The following AGAP1 variants were observed in gnomAD, a reference collection of about 807,000 sequenced individuals.
The protein encoded by AGAP1 is arf-GAP with GTPase, ANK repeat and PH domain-containing protein 1.
In AGAP1, 29 loss-of-function variants were observed where a neutral mutation model predicts 105.3. The observed-to-expected ratio is 0.28, with a 90% CI of 0.21 to 0.38. The LOEUF (loss-of-function observed/expected upper bound fraction) is 0.38. Ranked by LOEUF, AGAP1 falls within the 10% of genes least tolerant of loss-of-function variation. The pLI is 1.00. For missense variants in AGAP1, 998 were observed against 1,165.1 expected (o/e 0.86, Z 2.09); for synonymous variants, 509 against 485.9 (o/e 1.05, Z -0.63).
In AGAP1 at chr2:235,712,221, T is replaced by C. The variant is rs1306127452; in HGVS notation, c.222+2984T>C. ...ATTTTTAGTAGACAAGATTTTACCA[T>C]GTTGGCCAGGCTATGCTCAAACTCC... On this transcript the variant is annotated intron_variant, in intron 2 of 17. Coordinates refer to ENST00000304032, the MANE Select transcript of AGAP1 (RefSeq NM_001037131.3). This position sits in a 1 kb window ranked among gnomAD's most constrained non-coding sequence, Gnocchi z 6.0. Among the ~76,000 whole-genome samples the C allele has an allele frequency of 6.6e-6, 1 of 152,152 alleles. No individual in the cohort carries two copies. Among genetic ancestry groups the C allele is most frequent in the African/African-American group, 2.4e-5 (1 of 41,454 alleles).
intron 16 of AGAP1, among the ~76,000 whole-genome samples, chr2:236,077,159 A>T (rs985107510): frequency 1.4e-5 from 2 of 147,844 alleles, no homozygotes; most frequent in East Asian, 2.0e-4. Context: ...ATATATATAT[A>T]TTCATATTCC....
At chr2:235,558,185 G>A (rs576650966) in intron 1 of AGAP1, among the ~76,000 whole-genome samples, 75 of 152,242 alleles carry the variant, frequency 4.9e-4, no homozygotes, top group Admixed American at 1.6e-3. Context: ...GGGATTACTC[G>A]GTTCCGCATG....
intron 1 of AGAP1, among the ~76,000 whole-genome samples, chr2:235,545,840 C>A (rs1317518956): frequency 6.6e-6 from 1 of 152,154 alleles, no homozygotes; most frequent in Non-Finnish European, 1.5e-5. Context: ...GACCACCATC[C>A]ACACACCTCC....
intron 3 of AGAP1, among the ~76,000 whole-genome samples, chr2:235,726,221 C>T (rs1951637317): frequency 6.6e-6 from 1 of 152,268 alleles, no homozygotes; most frequent in East Asian, 1.9e-4. Flanking sequence ...CTAAAGAGGA[C>T]AAGCCCGCTG....
At chr2:235,682,932 A>C (rs1339389758) in intron 1 of AGAP1, among the ~76,000 whole-genome samples, 1 of 152,054 alleles carries the variant, frequency 6.6e-6, no homozygotes, top group Non-Finnish European at 1.5e-5. Context: ...TCTGGAAGGA[A>C]GTGTGGCTAC....
In AGAP1 at chr2:235,635,815, T is replaced by C. The variant is rs1490948334; in HGVS notation, c.164-73364T>C. On this transcript the variant is annotated intron_variant, in intron 1 of 17. Coordinates refer to ENST00000304032, the MANE Select transcript of AGAP1 (RefSeq NM_001037131.3). This position sits in a 1 kb window ranked among gnomAD's most constrained non-coding sequence, Gnocchi z 5.3. ...AGGACAAATGTTTTCCTTTCCGTGC[T>C]TTAAAAGTCTCATCTTAGACCGGGC... 1.3e-5 allele frequency among the ~76,000 whole-genome samples: 2 copies of C among 152,106 alleles called. No individual in the cohort carries two copies. Among genetic ancestry groups the C allele is most frequent in the African/African-American group, 4.8e-5 (2 of 41,418 alleles).
chr2:235,558,077 C>A (rs1359358268), intron 1 of AGAP1, among the ~76,000 whole-genome samples: 2 of 152,102 alleles, frequency 1.3e-5, no homozygotes, highest in African/African-American at 4.8e-5. Context: ...TGTGGAGAAG[C>A]GGGATGGCGA....
chr2:235,627,111 A>G (rs1366563607), intron 1 of AGAP1, among the ~76,000 whole-genome samples: 2 of 151,800 alleles, frequency 1.3e-5, no homozygotes, highest in African/African-American at 4.8e-5. Flanking sequence ...GAATCCTTTT[A>G]AGAAAACAAT....
rs146182021 is a variant in AGAP1, at chr2:236,123,026, T to C, written c.2371-893T>C. Among the ~76,000 whole-genome samples the C allele has an allele frequency of 6.6e-6, 1 of 152,224 alleles. No individual in the cohort carries two copies. The highest frequency in any genetic ancestry group is 1.5e-5 in the Non-Finnish European group (1 of 68,018). On this transcript the variant is annotated intron_variant, in intron 17 of 17. Transcript: ENST00000304032. This position sits in a 1 kb window ranked among gnomAD's most constrained non-coding sequence, Gnocchi z 4.6. ...AAGTGTGCACAGTTGAGGGGAGAGT[T>C]CTGAATTCTGTTCATGTGGTGGAAT...
chr2:236,047,427 G>A (rs1184056067), intron 15 of AGAP1, among the ~76,000 whole-genome samples: 2 of 151,816 alleles, frequency 1.3e-5, no homozygotes, highest in African/African-American at 4.8e-5. Flanking sequence ...CTGTGTCCCC[G>A]CTGCCCTCTT....
rs549470630 is a variant in AGAP1, at chr2:235,793,240, T to C, written c.674-4519T>C. Among the ~76,000 whole-genome samples, 2 of 152,294 alleles carry C rather than the reference T, an allele frequency of 1.3e-5. No individual in the cohort carries two copies. Among genetic ancestry groups the C allele is most frequent in the East Asian group, 3.9e-4 (2 of 5,160 alleles). Reference sequence around the variant, plus strand: ...GCAGAGTCGAGCAGCATCCCCGGGCTTTCCAGAAGGCCTGGCTGGGAATGG... The same window carrying C: ...GCAGAGTCGAGCAGCATCCCCGGGCCTTCCAGAAGGCCTGGCTGGGAATGG... On this transcript the variant is annotated intron_variant, in intron 6 of 17. Coordinates refer to ENST00000304032, the MANE Select transcript of AGAP1 (RefSeq NM_001037131.3). The surrounding 1 kb of genome is among the most constrained non-coding windows in gnomAD (Gnocchi z 5.3).
intron 16 of AGAP1, among the ~76,000 whole-genome samples, chr2:236,118,217 G>C (rs1031197417): frequency 1.3e-5 from 2 of 151,930 alleles, no homozygotes; most frequent in African/African-American, 4.8e-5. Flanking sequence ...CTAGACTTTC[G>C]CGGAAGCCCT....
intron 1 of AGAP1, among the ~76,000 whole-genome samples, chr2:235,543,958 G>A (rs1370157117): frequency 6.6e-6 from 1 of 152,152 alleles, no homozygotes; most frequent in African/African-American, 2.4e-5. Context: ...TTCTCTCTCT[G>A]CCGCCTGTGC....
intron 12 of AGAP1, among the ~76,000 whole-genome samples, chr2:235,947,147 T>G (rs2053537636): frequency 6.6e-6 from 1 of 152,186 alleles, no homozygotes. Flanking sequence ...TCTTTAGCGC[T>G]GATTTCTGAG....
chr2:235,814,084 C>A (rs1228094749), intron 9 of AGAP1, among the ~76,000 whole-genome samples: 1 of 152,152 alleles, frequency 6.6e-6, no homozygotes, highest in Admixed American at 6.5e-5. Flanking sequence ...ACTAGGGTCT[C>A]GGGGTTTTTA....
intron 1 of AGAP1, among the ~76,000 whole-genome samples, chr2:235,666,685 C>G (rs1030508364): frequency 2.0e-5 from 3 of 150,230 alleles, no homozygotes; most frequent in African/African-American, 7.5e-5. Context: ...TGGCAAAGTG[C>G]AAAACCTGGG....
rs1258298842 is a variant in AGAP1, at chr2:235,753,092, T to C, written c.673+2604T>C. ...CACCTGGCAGAGGCCCCACCTCTTA[T>C]TCCCCTGGGGGTCAGGATTTCAGTA... On this transcript the variant is annotated intron_variant, in intron 6 of 17. Transcript: ENST00000304032. This position sits in a 1 kb window ranked among gnomAD's most constrained non-coding sequence, Gnocchi z 4.5. Among the ~76,000 whole-genome samples, 1 of 152,164 alleles carries C rather than the reference T, an allele frequency of 6.6e-6. No individual in the cohort carries two copies. Among genetic ancestry groups the C allele is most frequent in the Non-Finnish European group, 1.5e-5 (1 of 68,026 alleles).
At chr2:235,636,915 C>T (rs1263779201) in intron 1 of AGAP1, among the ~76,000 whole-genome samples, 2 of 152,100 alleles carry the variant, frequency 1.3e-5, no homozygotes, top group Admixed American at 6.5e-5. Context: ...AATGCTTCTA[C>T]AAGCCAAAAA....
Position 235,957,839 on chromosome 2 carries a change from G to T in AGAP1, c.1484-10623G>T, listed in dbSNP as rs2125297045. Among the ~76,000 whole-genome samples the T allele has an allele frequency of 6.6e-6, 1 of 152,298 alleles. No individual in the cohort carries two copies. The highest frequency in any genetic ancestry group is 2.1e-4 in the South Asian group (1 of 4,830). ...ACAACGACTTCATCTTGAGTTCACA[G>T]GGGGCTTCAGCCCTCAACTGATTTC... On this transcript the variant is annotated intron_variant, in intron 12 of 17. Coordinates refer to ENST00000304032, the MANE Select transcript of AGAP1 (RefSeq NM_001037131.3). The surrounding 1 kb of genome is among the most constrained non-coding windows in gnomAD (Gnocchi z 4.6).
Sources: allele counts gnomAD v4.1 joint callset (sites outside exome capture counted in the v4.1 genomes callset), GRCh38; gene constraint gnomAD v4.1.1; non-coding constraint Gnocchi (gnomAD v3.1); transcripts MANE v1.5; gene names NCBI Gene and HGNC (gene_info 2026-07-23, HGNC 2026-07-21).